The following STRA6 variants were observed in gnomAD, a reference collection of about 807,000 sequenced individuals.
STRA6 encodes the protein receptor for retinol uptake STRA6.
In STRA6, 48 loss-of-function variants were observed where a neutral mutation model predicts 83.6. The observed-to-expected ratio is 0.57, with a 90% confidence interval of 0.46 to 0.73. The LOEUF is 0.73. STRA6 is among the 30% of genes least tolerant of loss of function. The pLI is 0.00. For synonymous variants in STRA6, 353 were observed against 362.3 expected, an observed-to-expected ratio of 0.97 and a Z score of 0.29; for missense variants, 760 against 838.8, an observed-to-expected ratio of 0.91 and a Z score of 1.16.
chr15:74,193,742 G>T, intron 8 of STRA6, 58 bp downstream of exon 8: 2 of 1,607,458 alleles, frequency 1.2e-6, no homozygotes, highest in Non-Finnish European at 1.7e-6. Flanking sequence ...CACAGATACG[G>T]GGGAGTAGGG....
intron 13 of STRA6, 97 bp downstream of exon 13, chr15:74,184,883 C>G (rs1778303424): frequency 1.6e-6 from 2 of 1,261,582 alleles, no homozygotes; most frequent in Non-Finnish European, 2.3e-6. Context: ...CCGGCAGAGC[C>G]CTTCCCTCCC....
upstream of STRA6, among the ~76,000 whole-genome samples, chr15:74,205,057 T>C (rs750169854): frequency 4.6e-5 from 7 of 152,232 alleles, no homozygotes; most frequent in East Asian, 1.9e-4. Context: ...AAATGGAACC[T>C]GATGTATGGT....
At position 74,188,937 on chromosome 15, in the gene STRA6, A is replaced by T. The variant is rs926072585; in HGVS notation, c.1090+178T>A. Among the ~76,000 whole-genome samples the T allele has an allele frequency of 6.6e-6, 1 of 152,190 alleles. No individual in the cohort carries two copies. Among genetic ancestry groups the T allele is most frequent in the Non-Finnish European group, 1.5e-5 (1 of 68,034 alleles). On this transcript the variant is annotated intron_variant, in intron 12 of 18. Transcript: ENST00000395105. The surrounding 1 kb of genome is among the most constrained non-coding windows in gnomAD (Gnocchi z 4.5). ...GAGATGTCCCTTCAGGTTTCATGGA[A>T]GCTCAGAACTGGAAGCGCCAACTGC...
At chr15:74,194,812 C>A in intron 7 of STRA6, 5 of 1,306,272 alleles carry the variant, frequency 3.8e-6, no homozygotes, top group Non-Finnish European at 4.8e-6. Context: ...CCTGTACCAT[C>A]ACTCTTTGAG....
At chr15:74,185,199 C>A in intron 12 of STRA6, 144 bp from the exon 13 acceptor site, 1 of 785,058 alleles carries the variant, frequency 1.3e-6, no homozygotes, top group South Asian at 1.5e-5. Context: ...TGGCCCCACC[C>A]CCAGGTCTCA....
At chr15:74,204,237 C>G (rs972040038), upstream of STRA6, among the ~76,000 whole-genome samples, 1 of 152,236 alleles carries the variant, frequency 6.6e-6, no homozygotes, top group East Asian at 1.9e-4. Context: ...CTTCCAGGCG[C>G]GAGTGTGAGC....
rs376678879 is a variant in STRA6, at chr15:74,182,162, G to A, written c.1519C>T (p.Arg507Trp). Reference sequence around the variant, plus strand: ...CCACAAGCCCAGATGCCACCTCACCGGTTGGTCAGCTGTGGGTGTCCATCA... The same window carrying A: ...CCACAAGCCCAGATGCCACCTCACCAGTTGGTCAGCTGTGGGTGTCCATCA... Reference protein sequence around the residue: ...THDGHPQLTNRRVLYAATFLL... With the variant: ...THDGHPQLTNWRVLYAATFLL... The change falls in exon 16 of 19, where the codon CGG (arginine) becomes TGG (tryptophan). Residue 507 changes from arginine to tryptophan, a missense_variant and splice_region_variant. By Grantham distance (101) the Arg-to-Trp change is moderately radical (BLOSUM62 -3). Coordinates refer to ENST00000395105, the MANE Select transcript of STRA6 (RefSeq NM_022369.4). The A allele has an allele frequency of 2.3e-5, 37 of 1,613,702 alleles. No individual in the cohort carries two copies. Among genetic ancestry groups the A allele is most frequent in the East Asian group, 2.0e-4 (9 of 44,902 alleles).
intron 13 of STRA6, among the ~76,000 whole-genome samples, chr15:74,184,773 C>G (rs568874232): frequency 6.6e-6 from 1 of 152,344 alleles, no homozygotes; most frequent in South Asian, 2.1e-4. Context: ...CACTCACAGA[C>G]GTTTCCCCAA....
At chr15:74,184,196 G>A (rs963046840) in intron 13 of STRA6, among the ~76,000 whole-genome samples, 3 of 152,184 alleles carry the variant, frequency 2.0e-5, no homozygotes, top group African/African-American at 4.8e-5. Flanking sequence ...AACAGTGAAC[G>A]AGGAATACAA....
upstream of STRA6, among the ~76,000 whole-genome samples, chr15:74,204,119 C>G (rs2074197879): frequency 6.6e-6 from 1 of 152,230 alleles, no homozygotes; most frequent in Admixed American, 6.5e-5. Context: ...TCTCCACCAT[C>G]CCACAGAGAT....
At chr15:74,207,138 A>G (rs1164624516), upstream of STRA6, among the ~76,000 whole-genome samples, 1 of 152,208 alleles carries the variant, frequency 6.6e-6, no homozygotes, top group Non-Finnish European at 1.5e-5. Context: ...TTTTGCATCC[A>G]GGAGCAGAGG....
upstream of STRA6, chr15:74,209,402 A>C (rs1650003283): frequency 1.3e-6 from 2 of 1,535,610 alleles, no homozygotes; most frequent in Non-Finnish European, 8.7e-7. Context: ...CCACTGCCTG[A>C]TGAATTGCCA....
rs1308959189 is a variant in STRA6, at chr15:74,182,199, G to A, written c.1482C>T (p.Phe494=). 1.9e-6 allele frequency: 3 copies of A among 1,614,152 alleles called. No individual in the cohort carries two copies. Among genetic ancestry groups the A allele is most frequent in the African/African-American group, 1.3e-5 (1 of 75,044 alleles). ...GTGGGTGTCCATCATGAGTCTCCAG[G>A]AAGACCCAATGGGCTGCCATGTTCT... is the stretch of plus-strand genomic sequence containing the variant. The part of the protein sequence containing the change: ...ILQNMAAHWV[F]LETHDGHPQL... The change falls in exon 16 of 19, where the codon TTC becomes TTT. Residue 494 remains phenylalanine (F), a synonymous_variant. Coordinates refer to ENST00000395105, the MANE Select transcript of STRA6 (RefSeq NM_022369.4).
At chr15:74,206,694 G>A (rs958198508), upstream of STRA6, among the ~76,000 whole-genome samples, 2 of 152,228 alleles carry the variant, frequency 1.3e-5, no homozygotes, top group Non-Finnish European at 2.9e-5. Flanking sequence ...CTGGAGGAGG[G>A]GGCCTGGAGC....
chr15:74,202,312 C>T, intron 1 of STRA6, 30 bp from the exon 2 acceptor site: 1 of 1,566,086 alleles, frequency 6.4e-7, no homozygotes, highest in Non-Finnish European at 8.6e-7. Context: ...AAAAAAAAAG[C>T]CACTACAGAT....
In STRA6 at chr15:74,191,208, G is replaced by A. The variant is rs931369498; in HGVS notation, c.824C>T (p.Ala275Val). ...HTSKHGFLSW[A>V]RVCLRHCIYT... ...GATGCAGTGTCTCAAGCAGACGCGG[G>A]CCCAGGACAGGAAGCCATGCTTGGA... Residue 275 changes from alanine (A) to valine (V), a missense_variant, in exon 10 of 19, where the codon GCC becomes GTC. Physicochemically the swap from Ala to Val is moderately conservative, Grantham distance 64. Coordinates refer to ENST00000395105, the MANE Select transcript of STRA6 (RefSeq NM_022369.4). 1.5e-5 allele frequency: 24 copies of A among 1,613,374 alleles called. No individual in the cohort carries two copies. The highest frequency in any genetic ancestry group is 1.9e-5 in the Non-Finnish European group (22 of 1,179,838).
upstream of STRA6, among the ~76,000 whole-genome samples, chr15:74,206,160 G>T (rs2074257236): frequency 6.6e-6 from 1 of 152,200 alleles, no homozygotes; most frequent in Non-Finnish European, 1.5e-5. Context: ...GTAACAAGAA[G>T]GTCACAGAGA....
chr15:74,181,304 G>C lies in STRA6; in HGVS notation c.1675C>G (p.Leu559Val), dbSNP rs778960900. ...CGCCCAGTGACCTTACCGGGGTCGA[G>C]AGTGGCGGCTCTCGGTGGCAGCAGG... Reference protein sequence around the residue: ...LSLLPPRAATLDPGYYTYRNF... With the variant: ...LSLLPPRAATVDPGYYTYRNF... Residue 559 changes from leucine (L) to valine (V), a missense_variant, in exon 17 of 19, where the codon CTC becomes GTC. Coordinates refer to ENST00000395105, the MANE Select transcript of STRA6 (RefSeq NM_022369.4). The C allele has an allele frequency of 6.2e-7, 1 of 1,611,544 alleles. No individual in the cohort carries two copies. Among genetic ancestry groups the C allele is most frequent in the South Asian group, 1.1e-5 (1 of 90,866 alleles).
chr15:74,189,720 G>A (rs1461484683), intron 11 of STRA6, among the ~76,000 whole-genome samples: 1 of 149,328 alleles, frequency 6.7e-6, no homozygotes, highest in African/African-American at 2.5e-5. Flanking sequence ...CTGGAGTGCA[G>A]TGGCGCGATC....
Sources: gnomAD v4.1 joint callset for allele counts (sites outside exome capture counted in the v4.1 genomes callset) on GRCh38, gnomAD v4.1.1 for gene constraint, Gnocchi (gnomAD v3.1) non-coding constraint, MANE v1.5 for transcripts, NCBI Gene and HGNC (gene_info 2026-07-23, HGNC 2026-07-21) for gene names.